The following PRKG1 variants were observed in gnomAD, a reference collection of about 807,000 sequenced individuals.
The protein encoded by PRKG1 is cGMP-dependent protein kinase 1.
PRKG1 carries 35 observed loss-of-function variants against 88.1 expected under a neutral mutation model. The ratio of observed to expected loss-of-function variants is 0.40; its 90% confidence interval spans 0.30 to 0.53. The LOEUF is 0.53. Ranked by LOEUF, PRKG1 falls within the 20% of genes least tolerant of loss-of-function variation. The pLI is 0.59. For missense variants in PRKG1, 540 were observed against 839.8 expected (o/e 0.64, Z 4.41); for synonymous variants, 303 against 292.5 (o/e 1.04, Z -0.37).
At chr10:51,101,311 C>T (rs1200835368) in intron 1 of PRKG1, among the ~76,000 whole-genome samples, 1 of 152,224 alleles carries the variant, frequency 6.6e-6, no homozygotes, top group Middle Eastern at 3.4e-3. Context: ...CAGGAAGATG[C>T]CCATCTACAA....
At chr10:51,735,854 C>CAT (rs146700314) in intron 3 of PRKG1, among the ~76,000 whole-genome samples, 5,430 of 114,084 alleles carry the variant, frequency 0.048, 184 homozygotes, top group East Asian at 0.13. Flanking sequence ...GGCCTGACTG[C>CAT]ATATATATAT....
intron 3 of PRKG1, among the ~76,000 whole-genome samples, chr10:51,600,901 A>T (rs1011163540): frequency 7.4e-5 from 11 of 149,642 alleles, no homozygotes; most frequent in Non-Finnish European, 3.0e-5. Flanking sequence ...GATTAGGAAA[A>T]GTTTTTCTTA....
chr10:51,175,896 A>G (rs1459616995), intron 2 of PRKG1, among the ~76,000 whole-genome samples: 1 of 152,134 alleles, frequency 6.6e-6, no homozygotes, highest in Non-Finnish European at 1.5e-5. Flanking sequence ...ATTTAGTTGT[A>G]TGCTCTATGA....
chr10:51,270,074 A>G (rs1839938856), intron 2 of PRKG1, among the ~76,000 whole-genome samples: 1 of 152,146 alleles, frequency 6.6e-6, no homozygotes, highest in Admixed American at 6.6e-5. Context: ...CTGAGGCCAG[A>G]TTATCAAGGT....
At chr10:50,997,163 T>A (rs1040371268) in intron 1 of PRKG1, among the ~76,000 whole-genome samples, 1 of 152,038 alleles carries the variant, frequency 6.6e-6, no homozygotes, top group South Asian at 2.1e-4. Flanking sequence ...TGAAAGAAAA[T>A]TTGGGTTGTT....
intron 3 of PRKG1, among the ~76,000 whole-genome samples, chr10:51,709,610 G>A (rs1841693223): frequency 6.6e-6 from 1 of 152,188 alleles, no homozygotes; most frequent in Non-Finnish European, 1.5e-5. Flanking sequence ...TTGGTCCATA[G>A]CCCTTGAGGG....
At chr10:51,036,464 G>C (rs910357394) in intron 1 of PRKG1, among the ~76,000 whole-genome samples, 7 of 152,116 alleles carry the variant, frequency 4.6e-5, no homozygotes, top group Non-Finnish European at 1.0e-4. Flanking sequence ...GTGACTGGGG[G>C]GTGCAGAGTA....
intron 5 of PRKG1, among the ~76,000 whole-genome samples, chr10:52,052,420 A>C (rs1846008966): frequency 6.9e-6 from 1 of 144,640 alleles, no homozygotes; most frequent in Non-Finnish European, 1.5e-5. Flanking sequence ...CTACAAAAAA[A>C]ATAAAATAAT....
intron 3 of PRKG1, among the ~76,000 whole-genome samples, chr10:51,540,343 A>G (rs531888938): frequency 7.2e-5 from 11 of 152,222 alleles, no homozygotes; most frequent in Non-Finnish European, 1.5e-4. Context: ...ATTCACATCA[A>G]TGTAGACTAT....
chr10:52,237,312 T>A (rs1840713796), intron 9 of PRKG1, among the ~76,000 whole-genome samples: 2 of 144,814 alleles, frequency 1.4e-5, no homozygotes, highest in South Asian at 4.9e-4. Context: ...TTGGAAGTTA[T>A]GGCCAGGGCA....
intron 7 of PRKG1, among the ~76,000 whole-genome samples, chr10:52,094,953 G>A (rs1341194592): frequency 6.6e-6 from 1 of 152,124 alleles, no homozygotes; most frequent in African/African-American, 2.4e-5. Flanking sequence ...GTGTTTTCTT[G>A]TAGGGTTCAA....
At chr10:51,499,103 C>T (rs529171402) in intron 3 of PRKG1, among the ~76,000 whole-genome samples, 3 of 152,258 alleles carry the variant, frequency 2.0e-5, no homozygotes, top group African/African-American at 4.8e-5. Flanking sequence ...GGTAAGGAGG[C>T]TTTGGTTCCT....
chr10:51,036,750 G>A (rs909948879), intron 1 of PRKG1, among the ~76,000 whole-genome samples: 1 of 152,174 alleles, frequency 6.6e-6, no homozygotes, highest in South Asian at 2.1e-4. Flanking sequence ...CCAATTCCAA[G>A]TTTTGACATG....
intron 3 of PRKG1, among the ~76,000 whole-genome samples, chr10:51,475,577 G>C (rs762552843): frequency 2.6e-5 from 4 of 151,988 alleles, no homozygotes; most frequent in Admixed American, 6.6e-5. Context: ...CATCATTGCA[G>C]CTTTATTTTT....
chr10:52,208,258 C>T (rs763706554), intron 9 of PRKG1, among the ~76,000 whole-genome samples: 1 of 152,030 alleles, frequency 6.6e-6, no homozygotes, highest in Non-Finnish European at 1.5e-5. Context: ...GAAAGGAACT[C>T]AAGACAAAAA....
intron 3 of PRKG1, among the ~76,000 whole-genome samples, chr10:51,625,504 C>G (rs1349637336): frequency 6.6e-6 from 1 of 151,826 alleles, no homozygotes; most frequent in Non-Finnish European, 1.5e-5. Flanking sequence ...GAAAGAAAGA[C>G]CCATAGACAC....
chr10:52,251,743 T>C, intron 10 of PRKG1, 77 bp downstream of exon 10: 1 of 1,200,868 alleles, frequency 8.3e-7, no homozygotes, highest in Non-Finnish European at 1.2e-6. Flanking sequence ...AAGATTTCTT[T>C]CTTTTCTCTT....
intron 4 of PRKG1, among the ~76,000 whole-genome samples, chr10:51,851,232 G>T (rs1021075101): frequency 6.6e-6 from 1 of 152,166 alleles, no homozygotes; most frequent in South Asian, 2.1e-4. Flanking sequence ...CATAAAAAAG[G>T]ACTGGAAAGA....
At chr10:52,014,044 A>C (rs1054204476) in intron 5 of PRKG1, among the ~76,000 whole-genome samples, 2 of 152,112 alleles carry the variant, frequency 1.3e-5, no homozygotes, top group Non-Finnish European at 2.9e-5. Context: ...AATACTCTGA[A>C]ATAATGCATT....
Sources: gnomAD v4.1 joint callset for allele counts (sites outside exome capture counted in the v4.1 genomes callset) on GRCh38, gnomAD v4.1.1 for gene constraint, MANE v1.5 for transcripts, NCBI Gene and HGNC (gene_info 2026-07-23, HGNC 2026-07-21) for gene names.